The following PTPRD variants were observed in gnomAD, a reference collection of about 807,000 sequenced individuals.
PTPRD encodes the protein protein tyrosine phosphatase receptor type D.
Under a neutral mutation model 214.5 loss-of-function variants are expected in PTPRD, and 34 were observed. That is an observed-to-expected ratio of 0.16 (90% CI 0.12 to 0.21). The LOEUF (loss-of-function observed/expected upper bound fraction) is 0.21, where lower values mean the gene tolerates loss of function less well. PTPRD is among the 10% of genes least tolerant of loss of function. The probability of loss-of-function intolerance (pLI) is 1.00; values close to 1 mark genes in which losing one functional copy is unlikely to be tolerated. For synonymous variants in PTPRD, 1,128 were observed against 845.7 expected (o/e 1.33, Z -5.79); for missense variants, 2,545 against 2,398.7 (o/e 1.06, Z -1.27).
chr9:9,005,242 T>A (rs1239495074), intron 11 of PTPRD, among the ~76,000 whole-genome samples: 1 of 152,026 alleles, frequency 6.6e-6, no homozygotes, highest in South Asian at 2.1e-4. Flanking sequence ...GCATTTTGAA[T>A]GATATAGAAG....
At chr9:9,616,771 A>G (rs72706545) in intron 7 of PTPRD, among the ~76,000 whole-genome samples, 3,896 of 152,256 alleles carry the variant, frequency 0.026, 74 homozygotes, top group Middle Eastern at 0.044. Flanking sequence ...AAAGTAGCCA[A>G]CCAACAGCTC....
chr9:10,098,791 A>C lies in PTPRD; in HGVS notation c.-544-65001T>G, dbSNP rs1348294362. On this transcript the variant is annotated intron_variant, in intron 3 of 45. Coordinates refer to ENST00000381196, the MANE Select transcript of PTPRD (RefSeq NM_002839.4). ...AAGAAACTGCACATAAAACCAGTTG[A>C]ATGGCAAAGACATGCAGGTGGTTAA... Among the ~76,000 whole-genome samples, 2 of 151,790 alleles carry C rather than the reference A, an allele frequency of 1.3e-5. 1 individual carries two copies. Among genetic ancestry groups the C allele is most frequent in the Non-Finnish European group, 2.9e-5 (2 of 67,830 alleles).
intron 3 of PTPRD, among the ~76,000 whole-genome samples, chr9:10,324,152 T>C (rs1045528041): frequency 6.6e-6 from 1 of 152,060 alleles, no homozygotes; most frequent in Admixed American, 6.6e-5. Flanking sequence ...ACACTGAGGA[T>C]TGATTGGCTC....
intron 2 of PTPRD, among the ~76,000 whole-genome samples, chr9:10,598,951 T>C (rs1235254554): frequency 6.6e-6 from 1 of 151,606 alleles, no homozygotes; most frequent in Non-Finnish European, 1.5e-5. Context: ...TTTCTGTTCC[T>C]CTTACTAATA....
At chr9:9,875,858 T>TA (rs1056970552) in intron 5 of PTPRD, among the ~76,000 whole-genome samples, 2 of 152,046 alleles carry the variant, frequency 1.3e-5, no homozygotes, top group African/African-American at 4.8e-5. Context: ...TAAAATACTA[T>TA]AAAAAAGGAA....
At chr9:10,503,960 C>T (rs1019444210) in intron 2 of PTPRD, among the ~76,000 whole-genome samples, 3 of 150,578 alleles carry the variant, frequency 2.0e-5, no homozygotes, top group Admixed American at 2.0e-4. Flanking sequence ...ACTAAAAATA[C>T]AAAAAATTAG....
chr9:8,636,894 C>T, intron 12 of PTPRD, 50 bp from the exon 13 acceptor site: 2 of 1,583,050 alleles, frequency 1.3e-6, no homozygotes, highest in Non-Finnish European at 1.7e-6. Context: ...GAAATACAGA[C>T]TATTATCCTA....
chr9:9,230,125 T>C (rs2099962149), intron 9 of PTPRD, among the ~76,000 whole-genome samples: 1 of 152,150 alleles, frequency 6.6e-6, no homozygotes, highest in Admixed American at 6.6e-5. Flanking sequence ...TATTTTGTTA[T>C]TCATAAGCAA....
At chr9:10,294,728 G>A (rs946653584) in intron 3 of PTPRD, among the ~76,000 whole-genome samples, 1 of 151,958 alleles carries the variant, frequency 6.6e-6, no homozygotes, top group South Asian at 2.1e-4. Flanking sequence ...TAGCTAGAAT[G>A]TATCAGAAAT....
chr9:10,252,228 C>A lies in PTPRD; in HGVS notation c.-545+88735G>T, dbSNP rs375993667. On this transcript the variant is annotated intron_variant, in intron 3 of 45. Transcript: ENST00000381196. ...TTTGTGACAGCCTCAATCAATACAG[C>A]ACGATGGACATGAAATGGTGTGTTC... 5.3e-5 allele frequency among the ~76,000 whole-genome samples: 8 copies of A among 152,264 alleles called. No homozygotes were observed. The East Asian group carries it at 1.5e-3, about 29-fold the overall frequency.
In PTPRD at chr9:8,618,762, T is replaced by C. The variant is rs189215335; in HGVS notation, c.352+14555A>G. Among the ~76,000 whole-genome samples, 1,021 of 152,058 alleles carry C rather than the reference T, an allele frequency of 6.7e-3. 10 individuals carry two copies. The highest frequency in any genetic ancestry group is 0.024 in the African/African-American group (978 of 41,490). On this transcript the variant is annotated intron_variant, in intron 14 of 45. Coordinates refer to ENST00000381196, the MANE Select transcript of PTPRD (RefSeq NM_002839.4). ...CCCAGGCTAGAATGCAGTGGTGCGA[T>C]CTTGACTCACTGTAACTTCCACCTC...
At chr9:10,492,364 T>C (rs13284972) in intron 2 of PTPRD, among the ~76,000 whole-genome samples, 17,717 of 152,036 alleles carry the variant, frequency 0.12, 1,381 homozygotes, top group Non-Finnish European at 0.17. Flanking sequence ...TCACATCCCC[T>C]CCAGCATCTG....
At chr9:8,500,343 A>G (rs77946641) in intron 24 of PTPRD, among the ~76,000 whole-genome samples, 4,606 of 151,866 alleles carry the variant, frequency 0.03, 214 homozygotes, top group African/African-American at 0.11. Flanking sequence ...TTGAGCATCA[A>G]TGTCTCTGAA....
At chr9:9,099,322 A>C (rs936900273) in intron 10 of PTPRD, among the ~76,000 whole-genome samples, 7 of 152,230 alleles carry the variant, frequency 4.6e-5, no homozygotes, top group Non-Finnish European at 8.8e-5. Context: ...AAATATATAC[A>C]GAGAGAATGT....
At chr9:8,565,236 T>A (rs2154217286) in intron 14 of PTPRD, among the ~76,000 whole-genome samples, 1 of 152,308 alleles carries the variant, frequency 6.6e-6, no homozygotes, top group Non-Finnish European at 1.5e-5. Flanking sequence ...GAGTTTACAC[T>A]GCCAGATATG....
At chr9:9,856,284 G>A (rs1048751227) in intron 5 of PTPRD, among the ~76,000 whole-genome samples, 14 of 152,072 alleles carry the variant, frequency 9.2e-5, no homozygotes, top group Non-Finnish European at 1.9e-4. Context: ...ATGGTGCAGG[G>A]CTGGGCCATG....
rs554487017 is a variant in PTPRD, at chr9:8,878,524, CT to C, written c.-104+140172del. ...GCTCTGATTCTTCTTTCTTTCTTTT[CT>C]TTTTTTTTTGTTTTCTTTTGAGACA... On this transcript the variant is annotated intron_variant, in intron 11 of 45. Transcript: ENST00000381196. Among the ~76,000 whole-genome samples, 68 of 148,000 alleles carry C rather than the reference CT, an allele frequency of 4.6e-4. No homozygotes were observed. The East Asian group carries it at 4.8e-3, about 10-fold the overall frequency.
At chr9:8,661,221 C>T (rs2097043100) in intron 12 of PTPRD, among the ~76,000 whole-genome samples, 1 of 152,048 alleles carries the variant, frequency 6.6e-6, no homozygotes, top group African/African-American at 2.4e-5. Context: ...AAGAATCAAA[C>T]CTTATTATAA....
intron 2 of PTPRD, among the ~76,000 whole-genome samples, chr9:10,500,783 A>G (rs1447046662): frequency 1.3e-5 from 2 of 151,960 alleles, no homozygotes; most frequent in Non-Finnish European, 2.9e-5. Context: ...TTCCATAAAT[A>G]AGCAAGGACA....
Sources: allele counts gnomAD v4.1 joint callset (sites outside exome capture counted in the v4.1 genomes callset), GRCh38; gene constraint gnomAD v4.1.1; transcripts MANE v1.5; gene names NCBI Gene and HGNC (gene_info 2026-07-23, HGNC 2026-07-21).